The following KATNB1 variants were observed in gnomAD, a reference collection of about 807,000 sequenced individuals.
The protein encoded by KATNB1 is katanin p80 WD40 repeat-containing subunit B1.
In KATNB1, 38 loss-of-function variants were observed where a neutral mutation model predicts 82.3. The ratio of observed to expected loss-of-function variants is 0.46; its 90% CI spans 0.36 to 0.61. KATNB1 has a LOEUF of 0.61. KATNB1 is among the 20% of genes least tolerant of loss of function. The pLI, the probability that KATNB1 is intolerant of heterozygous loss-of-function variation, is 0.00. For missense variants in KATNB1, 749 were observed against 915.7 expected (o/e 0.82, Z 2.35); for synonymous variants, 361 against 368.7 (o/e 0.98, Z 0.24).
intron 4 of KATNB1, among the ~76,000 whole-genome samples, chr16:57,748,062 C>G (rs2049196353): frequency 6.6e-6 from 1 of 152,084 alleles, no homozygotes; most frequent in African/African-American, 2.4e-5. Context: ...CGATGGACAG[C>G]CAGGTTGACA....
At position 57,753,968 on chromosome 16, in the gene KATNB1, G is replaced by C. The variant is rs1463978316; in HGVS notation, c.1201G>C (p.Glu401Gln). The C allele has an allele frequency of 6.2e-7, 1 of 1,613,594 alleles. No homozygotes were observed. The highest frequency in any genetic ancestry group is 1.3e-5 in the African/African-American group (1 of 75,004). ...AGGTCGGACGCCACCCCGGAGAAGT[G>C]AGCCCTTCCCTGCACCCCCAGAGGA... ...SISRTPPRRS[E>Q]PFPAPPEDDA... The change falls in exon 13 of 20, where the codon GAG (glutamate) becomes CAG (glutamine). Residue 401 changes from glutamate (E) to glutamine (Q), a missense_variant. Coordinates refer to ENST00000379661, the MANE Select transcript of KATNB1 (RefSeq NM_005886.3).
In KATNB1 at chr16:57,752,002, C is replaced by T. The variant is rs201842513; in HGVS notation, c.579C>T (p.Asn193=). ...SEFPGHTGPV[N]VVEFHPNEYL... is the part of the protein sequence containing the mutation. ...TCCCTGGTCACACGGGGCCTGTCAACGTGGTCGAGTTTCACCCCAACGAGT... is the reference window on the plus strand; with the variant it reads ...TCCCTGGTCACACGGGGCCTGTCAATGTGGTCGAGTTTCACCCCAACGAGT... The change falls in exon 8 of 20, where the codon AAC becomes AAT. Residue 193 remains asparagine, a synonymous_variant. Coordinates refer to ENST00000379661, the MANE Select transcript of KATNB1 (RefSeq NM_005886.3). 62 of 1,613,566 alleles carry T rather than the reference C, an allele frequency of 3.8e-5. No individual in the cohort carries two copies. In the South Asian group the frequency reaches 4.5e-4, roughly 12 times the overall value.
At chr16:57,743,003 GAGGAAT>G (rs2049153909) in intron 3 of KATNB1, among the ~76,000 whole-genome samples, 1 of 152,232 alleles carries the variant, frequency 6.6e-6, no homozygotes, top group African/African-American at 2.4e-5. Context: ...TAAAGATGAA[GAGGAAT>G]AGGCCGGGCA....
At chr16:57,749,715 T>C (rs2049210434) in intron 4 of KATNB1, among the ~76,000 whole-genome samples, 1 of 152,136 alleles carries the variant, frequency 6.6e-6, no homozygotes. Flanking sequence ...ACACACAAGG[T>C]TTGCCTCCAG....
At position 57,751,563 on chromosome 16, in the gene KATNB1, C is replaced by T. The variant is rs2049228200; in HGVS notation, c.433-78C>T. On this transcript the variant is annotated intron_variant, in intron 6 of 19. Transcript: ENST00000379661. The surrounding 1 kb of genome is among the most constrained non-coding windows in gnomAD (Gnocchi z 6.3). ...ACCAGTGTTGTTAGATGGAAGGGGT[C>T]CCATAGGAGTGAGGAGGCAGGGAGA... 7.6e-7 allele frequency: 1 copy of T among 1,323,820 alleles called. No homozygotes were observed. Among genetic ancestry groups the T allele is most frequent in the African/African-American group, 1.4e-5 (1 of 69,500 alleles). 82.0% of individuals were successfully genotyped at this position (1,323,820 alleles called of 1,614,324 possible). A position where few individuals can be genotyped will look rare whatever the true frequency, so the allele number is the denominator to read the frequency against.
intron 4 of KATNB1, 109 bp from the exon 5 acceptor site, chr16:57,750,718 T>C (rs1189038118): frequency 1.2e-6 from 1 of 801,698 alleles, no homozygotes; most frequent in Non-Finnish European, 2.2e-6. Context: ...TGTTCTATTT[T>C]TCTGTGCAGC....
chr16:57,756,837 A>G lies in KATNB1; in HGVS notation c.1859A>G (p.Tyr620Cys). Residue 620 changes from tyrosine to cysteine, a missense_variant, in exon 20 of 20, where the codon TAC (tyrosine) becomes TGC (cysteine). Transcript: ENST00000379661. ...EERLHKCRLC[Y>C]KQLKSISGLV... ...AGGCTGCATAAGTGCCGGCTCTGCT[A>G]CAAGCAGCTTAAGAGCATCAGCGGC... The G allele has an allele frequency of 5.7e-6, 9 of 1,576,006 alleles. No homozygotes were observed. The highest frequency in any genetic ancestry group is 1.4e-5 in the African/African-American group (1 of 74,012).
intron 19 of KATNB1, 123 bp downstream of exon 19, chr16:57,756,595 T>C: frequency 1.7e-6 from 2 of 1,178,198 alleles, no homozygotes; most frequent in Non-Finnish European, 2.4e-6. Context: ...GGCGTTGGTC[T>C]GGGGCCATGG....
chr16:57,741,689 G>A lies in KATNB1; in HGVS notation c.43G>A (p.Glu15Lys). ...TCTCCCTCTCCTTCCCTGTGTAGAAGAGATCGTCGCGCATGCCAGCAACGT... is the reference window on the plus strand; with the variant it reads ...TCTCCCTCTCCTTCCCTGTGTAGAAAAGATCGTCGCGCATGCCAGCAACGT... Reference protein sequence around the residue: ...VVTKTAWKLQEIVAHASNVSS... With the variant: ...VVTKTAWKLQKIVAHASNVSS... The change falls in exon 3 of 20, where the codon GAG (glutamate) becomes AAG (lysine). Residue 15 changes from glutamate to lysine, a missense_variant and splice_region_variant. By Grantham distance (56) the Glu-to-Lys change is moderately conservative. Transcript: ENST00000379661. 6.2e-7 allele frequency: 1 copy of A among 1,613,368 alleles called. No homozygotes were observed. The highest frequency in any genetic ancestry group is 8.5e-7 in the Non-Finnish European group (1 of 1,179,714).
rs373598141 is a variant in KATNB1 at position 57,755,227 on chromosome 16, G to C, written c.1405G>C (p.Asp469His). ...RNEPIGLKAS[D>H]FLPAVKIPQQ... ...CGAGCCCATCGGGCTGAAGGCCTCC[G>C]ACTTCCTGCCCGTGAGTAGGAGCCC... is the stretch of plus-strand genomic sequence containing the variant. The change falls in exon 15 of 20, where the codon GAC becomes CAC. Residue 469 changes from aspartate to histidine, a missense_variant. Coordinates refer to ENST00000379661, the MANE Select transcript of KATNB1 (RefSeq NM_005886.3). 4.3e-6 allele frequency: 7 copies of C among 1,610,880 alleles called. No individual in the cohort carries two copies. The highest frequency in any genetic ancestry group is 5.9e-6 in the Non-Finnish European group (7 of 1,179,948).
chr16:57,742,435 T>G (rs1349107854), intron 3 of KATNB1, among the ~76,000 whole-genome samples: 1 of 152,272 alleles, frequency 6.6e-6, no homozygotes, highest in Non-Finnish European at 1.5e-5. Context: ...GTTGGTGTTT[T>G]GGTGTGAGTC....
chr16:57,754,319 A>G (rs2049258145), intron 13 of KATNB1, among the ~76,000 whole-genome samples: 1 of 152,178 alleles, frequency 6.6e-6, no homozygotes, highest in Admixed American at 6.5e-5. Context: ...GGTCTGCTGT[A>G]GACGGGATGA....
intron 4 of KATNB1, among the ~76,000 whole-genome samples, chr16:57,745,065 T>C (rs1555581037): frequency 2.0e-5 from 3 of 152,196 alleles, no homozygotes; most frequent in Non-Finnish European, 4.4e-5. Context: ...TACCAGTATT[T>C]CTACAATTAA....
chr16:57,753,268 GT>G lies in KATNB1; in HGVS notation c.1046+2del. 1 of 1,594,872 alleles carries G rather than the reference GT, an allele frequency of 6.3e-7. No individual in the cohort carries two copies. The highest frequency in any genetic ancestry group is 8.6e-7 in the Non-Finnish European group (1 of 1,168,372). On this transcript the variant is annotated splice_donor_variant, in intron 11 of 19. Transcript: ENST00000379661. LOFTEE classifies it high-confidence loss of function. ...GCACAACCTGCAGCAAGCCTCAGAG[GT>G]GAGGGCCTGGGGGGCCTTCGGGGGC... is the stretch of plus-strand genomic sequence containing the variant.
intron 3 of KATNB1, among the ~76,000 whole-genome samples, chr16:57,743,242 G>A (rs1008322250): frequency 1.6e-4 from 24 of 152,196 alleles, no homozygotes; most frequent in African/African-American, 4.3e-4. Flanking sequence ...GCAGTAAGCC[G>A]AGATGGTGCC....
Position 57,753,236 on chromosome 16 carries a change from C to T in KATNB1, c.1015C>T (p.Arg339Trp), listed in dbSNP as rs372138195. Residue 339 changes from arginine (R) to tryptophan (W), a missense_variant, in exon 11 of 20, where the codon CGG becomes TGG. Around this residue, in one of 3 missense-constraint regions of KATNB1, gnomAD observed 407 missense variants for 434.7 expected, o/e 0.94. Coordinates refer to ENST00000379661, the MANE Select transcript of KATNB1 (RefSeq NM_005886.3). ...CGCCCCCCTCCGGCGCATCTATGAGCGGCCCAGCACAACCTGCAGCAAGCC... is the reference window on the plus strand; with the variant it reads ...CGCCCCCCTCCGGCGCATCTATGAGTGGCCCAGCACAACCTGCAGCAAGCC... ...PSAPLRRIYE[R>W]PSTTCSKPQR... 1.9e-5 allele frequency: 30 copies of T among 1,602,112 alleles called. No homozygotes were observed. Among genetic ancestry groups the T allele is most frequent in the East Asian group, 1.8e-4 (8 of 44,624 alleles).
At chr16:57,739,487 G>C (rs2049127147) in intron 2 of KATNB1, among the ~76,000 whole-genome samples, 1 of 152,236 alleles carries the variant, frequency 6.6e-6, no homozygotes, top group Admixed American at 6.5e-5. Context: ...AGCTTGGCCT[G>C]CCAGTAGACA....
intron 4 of KATNB1, among the ~76,000 whole-genome samples, chr16:57,745,124 G>C (rs1555581046): frequency 6.6e-6 from 1 of 152,198 alleles, no homozygotes; most frequent in Non-Finnish European, 1.5e-5. Context: ...CATTCTCCAT[G>C]AGCCTAAACT....
At chr16:57,741,560 A>C in intron 2 of KATNB1, 127 bp from the exon 3 acceptor site, 1 of 957,176 alleles carries the variant, frequency 1.0e-6, no homozygotes, top group Non-Finnish European at 1.6e-6. Flanking sequence ...CCAAAGGGGG[A>C]GCTGAAGGAG....
Sources: allele counts gnomAD v4.1 joint callset (sites outside exome capture counted in the v4.1 genomes callset), GRCh38; gene constraint gnomAD v4.1.1; regional missense constraint gnomAD v4.1.1; non-coding constraint Gnocchi (gnomAD v3.1); transcripts MANE v1.5; gene names NCBI Gene and HGNC (gene_info 2026-07-23, HGNC 2026-07-21).